MESP1: variants seen among roughly 807,000 people sequenced by gnomAD.
The protein encoded by MESP1 is mesoderm posterior protein 1.
A neutral mutation model predicts 15.2 loss-of-function variants in MESP1; 22 were observed. The ratio of observed to expected loss-of-function variants is 1.45; its 90% CI spans 1.04 to 2.07. The LOEUF is 2.07. MESP1 is among the 30% of genes most tolerant of loss of function. The pLI is 0.00. For synonymous variants in MESP1, 216 were observed against 192.6 expected (o/e 1.12, Z -1.01); for missense variants, 484 against 411.9 (o/e 1.17, Z -1.51).
At chr15:89,744,760 T>C in the MESP1 span, among the ~76,000 whole-genome samples, 1 of 152,186 alleles carries the variant, frequency 6.6e-6, no homozygotes, top group Non-Finnish European at 1.5e-5. Context: ...ACACTCTTGG[T>C]GTGGCTGGAT....
At chr15:89,737,012 CG>C in the MESP1 span, among the ~76,000 whole-genome samples, 5 of 151,926 alleles carry the variant, frequency 3.3e-5, no homozygotes, top group African/African-American at 1.2e-4. Flanking sequence ...AGGATGGTCT[CG>C]ATCTCCTGAC....
At chr15:89,744,722 G>A in the MESP1 span, among the ~76,000 whole-genome samples, 2 of 152,200 alleles carry the variant, frequency 1.3e-5, no homozygotes, top group African/African-American at 2.4e-5. Flanking sequence ...GGATGTGTTG[G>A]CTCAGATAAC....
At chr15:89,746,107 CCA>C (rs1967941345), downstream of MESP1, among the ~76,000 whole-genome samples, 1 of 150,288 alleles carries the variant, frequency 6.7e-6, no homozygotes, top group African/African-American at 2.5e-5. Flanking sequence ...ATCCACAGCT[CCA>C]CACAGCATCC....
At chr15:89,739,395 C>T in the MESP1 span, among the ~76,000 whole-genome samples, 1 of 152,146 alleles carries the variant, frequency 6.6e-6, no homozygotes, top group Non-Finnish European at 1.5e-5. Flanking sequence ...TCTAAGACCC[C>T]TTTCTTTTAC....
rs200582370 is a variant in MESP1 at position 89,750,383 on chromosome 15, T to TAC, written c.723+124_723+125dup. On this transcript the variant is annotated intron_variant, in intron 1 of 1. Transcript: ENST00000300057. The stretch of plus-strand genomic sequence containing the variant: ...CCTTCGCTTCTTGGAGCCCTGGGCA[T>TAC]ACTATGGTGGCCAGGTGGCCAGGCT... 3,365 of 1,466,270 alleles carry TAC rather than the reference T, an allele frequency of 2.3e-3. 75 individuals are homozygous for TAC. In the African/African-American group the frequency reaches 0.042, roughly 18 times the overall value. 90.8% of individuals were successfully genotyped at this position (1,466,270 alleles called of 1,614,324 possible).
In MESP1 at chr15:89,750,518, T is replaced by C; in HGVS notation, c.714A>G (p.Pro238=). 6.7e-7 allele frequency: 1 copy of C among 1,499,452 alleles called. No individual in the cohort carries two copies. 92.9% of individuals were successfully genotyped at this position (1,499,452 alleles called of 1,614,324 possible). A position where few individuals can be genotyped will look rare whatever the true frequency, so the allele number is the denominator to read the frequency against. The change falls in exon 1 of 2, where the codon CCA becomes CCG. Residue 238 remains proline (P), a synonymous_variant. Coordinates refer to ENST00000300057, the MANE Select transcript of MESP1 (RefSeq NM_018670.4). ...GGAAGGGGACACTAACCGGGGACGGTGGGCTTGGCTCCATCGCCTGCCCTT... is the reference window on the plus strand; with the variant it reads ...GGAAGGGGACACTAACCGGGGACGGCGGGCTTGGCTCCATCGCCTGCCCTT... ...CPEGQAMEPS[P]PSPLLPGDVL... is the part of the protein sequence containing the mutation.
At chr15:89,733,240 ACGGG>A in the MESP1 span, 1 of 1,605,446 alleles carries the variant, frequency 6.2e-7, no homozygotes, top group Non-Finnish European at 8.5e-7. Context: ...TGAGGGTGGG[ACGGG>A]GTAAATAATT....
At chr15:89,746,333 C>A (rs367955103), downstream of MESP1, among the ~76,000 whole-genome samples, 61 of 140,032 alleles carry the variant, frequency 4.4e-4, no homozygotes, top group African/African-American at 1.9e-3. Flanking sequence ...GCATCCACAC[C>A]TCCACACATC....
At chr15:89,735,341 G>A in the MESP1 span, 1 of 652,704 alleles carries the variant, frequency 1.5e-6, no homozygotes, top group Non-Finnish European at 2.7e-6. Context: ...TAGATATTTG[G>A]ATTGTTCTTA....
the MESP1 span, among the ~76,000 whole-genome samples, chr15:89,741,139 C>CAA: frequency 2.0e-5 from 3 of 150,986 alleles, no homozygotes; most frequent in South Asian, 2.1e-4. Context: ...GAATCTGTCT[C>CAA]AAAAAAAATA....
At chr15:89,743,619 A>G in the MESP1 span, 50 of 564,456 alleles carry the variant, frequency 8.9e-5, no homozygotes, top group East Asian at 1.4e-3. Flanking sequence ...ACCCAAATAA[A>G]CAGTGATATT....
downstream of MESP1, among the ~76,000 whole-genome samples, chr15:89,747,008 T>C (rs115378839): frequency 0.021 from 2,088 of 99,048 alleles, 92 homozygotes; most frequent in African/African-American, 0.08. Flanking sequence ...CACACACATA[T>C]GCTCACGCAC....
intron 1 of MESP1, 134 bp downstream of exon 1, chr15:89,750,375 C>T: frequency 1.4e-6 from 2 of 1,477,646 alleles, no homozygotes; most frequent in Admixed American, 2.2e-5. Context: ...TTCTTGGAGC[C>T]CTGGGCATAC....
In MESP1 at chr15:89,750,575, C is replaced by G. The variant is rs2305439; in HGVS notation, c.657G>C (p.Pro219=). 1.4e-6 allele frequency: 2 copies of G among 1,433,456 alleles called. No homozygotes were observed. The highest frequency in any genetic ancestry group is 2.7e-5 in the East Asian group (1 of 36,502). The allele number at this position is 1,433,456 out of a possible 1,614,324, so 88.8% of individuals were successfully genotyped here. The change falls in exon 1 of 2, where the codon CCG becomes CCC. Residue 219 remains proline, a synonymous_variant. Coordinates refer to ENST00000300057, the MANE Select transcript of MESP1 (RefSeq NM_018670.4). ...GARAAPEPRD[P]PALFAEAACP... Reference sequence around the variant, plus strand: ...ACGCCGCCTCGGCGAACAGCGCAGGCGGGTCGCGCGGCTCGGGTGCAGCTC... The same window carrying G: ...ACGCCGCCTCGGCGAACAGCGCAGGGGGGTCGCGCGGCTCGGGTGCAGCTC...
the MESP1 span, chr15:89,732,934 T>TCACA: frequency 1.4e-6 from 2 of 1,404,112 alleles, no homozygotes; most frequent in Non-Finnish European, 2.0e-6. Context: ...CACTTGCTGG[T>TCACA]CACAGCCCCT....
chr15:89,736,919 G>A, the MESP1 span, among the ~76,000 whole-genome samples: 717 of 152,010 alleles, frequency 4.7e-3, 3 homozygotes, highest in African/African-American at 0.016. Flanking sequence ...AGCCTCCCGA[G>A]TAGCTGGGAC....
the MESP1 span, among the ~76,000 whole-genome samples, chr15:89,741,825 C>A: frequency 6.6e-6 from 1 of 151,982 alleles, no homozygotes; most frequent in African/African-American, 2.4e-5. Context: ...AATCTCAGCT[C>A]ACTGCAACCT....
the MESP1 span, chr15:89,733,347 G>T: frequency 1.2e-6 from 1 of 853,216 alleles, no homozygotes. Context: ...CTCCTGGTGA[G>T]CTTCTGAAGA....
intron 1 of MESP1, 109 bp downstream of exon 1, chr15:89,750,400 G>GGCCA: frequency 2.1e-6 from 3 of 1,454,900 alleles, no homozygotes; most frequent in Non-Finnish European, 2.7e-6. Context: ...GTGGCCAGGT[G>GGCCA]GCCAGGCTGC....
Sources: allele counts gnomAD v4.1 joint callset (sites outside exome capture counted in the v4.1 genomes callset), GRCh38; gene constraint gnomAD v4.1.1; transcripts MANE v1.5; gene names NCBI Gene and HGNC (gene_info 2026-07-23, HGNC 2026-07-21).